EPHB1: variants seen among roughly 807,000 people sequenced by gnomAD.
The protein encoded by EPHB1 is EPH receptor B1.
In EPHB1, 30 loss-of-function variants were observed where a neutral mutation model predicts 94.4. The ratio of observed to expected loss-of-function variants is 0.32; its 90% CI spans 0.24 to 0.43. The LOEUF (loss-of-function observed/expected upper bound fraction) is 0.43, where lower values mean the gene tolerates loss of function less well. EPHB1 is among the 20% of genes least tolerant of loss of function. EPHB1 has a pLI of 1.00. For synonymous variants in EPHB1, 522 were observed against 489.1 expected (o/e 1.07, Z -0.89); for missense variants, 1,055 against 1,308.3 (o/e 0.81, Z 2.99).
chr3:134,962,018 T>C (rs1933538643), intron 3 of EPHB1, among the ~76,000 whole-genome samples: 1 of 152,200 alleles, frequency 6.6e-6, no homozygotes, highest in Non-Finnish European at 1.5e-5. Context: ...TGAATAAGAA[T>C]ATATAAATTT....
In EPHB1 at chr3:135,140,823, A is replaced by G. The variant is rs1206526546; in HGVS notation, c.1297+7774A>G. On this transcript the variant is annotated intron_variant, in intron 5 of 15. Transcript: ENST00000398015. ...CCAGCCCCGCGCCTATCATTTTCACAGTACCATCCATGTTAAACAGGCAGG... is the reference window on the plus strand; with the variant it reads ...CCAGCCCCGCGCCTATCATTTTCACGGTACCATCCATGTTAAACAGGCAGG... 2.6e-5 allele frequency among the ~76,000 whole-genome samples: 4 copies of G among 152,326 alleles called. No homozygotes were observed. The East Asian group carries it at 5.8e-4, about 22-fold the overall frequency.
intron 4 of EPHB1, among the ~76,000 whole-genome samples, chr3:135,107,039 T>C (rs1195365820): frequency 6.6e-6 from 1 of 152,222 alleles, no homozygotes; most frequent in Non-Finnish European, 1.5e-5. Context: ...ATTTTATTAA[T>C]TGTTCAGTCA....
At chr3:135,158,856 T>G (rs1941430246) in intron 6 of EPHB1, among the ~76,000 whole-genome samples, 1 of 152,250 alleles carries the variant, frequency 6.6e-6, no homozygotes. Flanking sequence ...GGTTACTCGC[T>G]CTTCATAATA....
At chr3:134,936,723 C>T (rs1034611334) in intron 2 of EPHB1, among the ~76,000 whole-genome samples, 3 of 152,186 alleles carry the variant, frequency 2.0e-5, no homozygotes, top group Admixed American at 6.5e-5. Context: ...CCCAGTGTCA[C>T]GAAGGACAGC....
chr3:135,015,052 G>A (rs1249014114), intron 3 of EPHB1, among the ~76,000 whole-genome samples: 2 of 152,086 alleles, frequency 1.3e-5, no homozygotes, highest in African/African-American at 2.4e-5. Flanking sequence ...AGAAACTCCC[G>A]TGTATGGCAC....
At chr3:135,027,068 T>C (rs1936209776) in intron 3 of EPHB1, among the ~76,000 whole-genome samples, 1 of 145,350 alleles carries the variant, frequency 6.9e-6, no homozygotes, top group South Asian at 2.3e-4. Context: ...TGATTTTGTA[T>C]CCTGAGACTT....
At chr3:134,905,204 T>C (rs1325299935) in intron 1 of EPHB1, among the ~76,000 whole-genome samples, 1 of 152,152 alleles carries the variant, frequency 6.6e-6, no homozygotes, top group Non-Finnish European at 1.5e-5. Flanking sequence ...GAAGATTGGA[T>C]GGACACTGGG....
chr3:134,890,422 C>T (rs2037955823), intron 1 of EPHB1, among the ~76,000 whole-genome samples: 1 of 152,104 alleles, frequency 6.6e-6, no homozygotes, highest in Non-Finnish European at 1.5e-5. Context: ...TATTAATTTT[C>T]CTCTAGATGG....
intron 3 of EPHB1, among the ~76,000 whole-genome samples, chr3:135,016,063 T>A (rs1326091845): frequency 6.6e-6 from 1 of 152,150 alleles, no homozygotes; most frequent in Non-Finnish European, 1.5e-5. Flanking sequence ...TCCTGACAAG[T>A]GGAGAAAGCT....
chr3:135,101,184 A>G (rs894936988), intron 3 of EPHB1, among the ~76,000 whole-genome samples: 6 of 151,912 alleles, frequency 3.9e-5, no homozygotes, highest in Admixed American at 1.3e-4. Flanking sequence ...TTCTCTTTCT[A>G]CCCACCTCCT....
chr3:134,829,223 A>G (rs1257420757), intron 1 of EPHB1, among the ~76,000 whole-genome samples: 1 of 152,178 alleles, frequency 6.6e-6, no homozygotes, highest in Non-Finnish European at 1.5e-5. Context: ...CACCACTAGC[A>G]TCTATTGAGA....
chr3:134,796,009 C>T (rs752829617), intron 1 of EPHB1: 4 of 440,548 alleles, frequency 9.1e-6, no homozygotes, highest in South Asian at 2.7e-5. Flanking sequence ...GGTGCATGCT[C>T]CTTAGCTCTG....
intron 1 of EPHB1, among the ~76,000 whole-genome samples, chr3:134,801,434 G>A (rs570103419): frequency 1.3e-5 from 2 of 152,292 alleles, no homozygotes; most frequent in East Asian, 1.9e-4. Flanking sequence ...GGGGCACACC[G>A]AACCCTTACC....
At chr3:135,233,973 C>T (rs144372991) in intron 12 of EPHB1, among the ~76,000 whole-genome samples, 2 of 152,292 alleles carry the variant, frequency 1.3e-5, no homozygotes, top group African/African-American at 2.4e-5. Flanking sequence ...CCCAGGAAAC[C>T]ATTTTTCCCT....
At chr3:134,875,235 A>G (rs2037592780) in intron 1 of EPHB1, among the ~76,000 whole-genome samples, 3 of 152,194 alleles carry the variant, frequency 2.0e-5, no homozygotes, top group Admixed American at 2.0e-4. Context: ...AGAGAAGCCA[A>G]GTGTTGTCCC....
At chr3:135,182,528 C>T (rs1448411644) in intron 10 of EPHB1, among the ~76,000 whole-genome samples, 1 of 152,102 alleles carries the variant, frequency 6.6e-6, no homozygotes, top group Non-Finnish European at 1.5e-5. Flanking sequence ...AAACTCAGGC[C>T]AGTAACAGTT....
intron 2 of EPHB1, among the ~76,000 whole-genome samples, chr3:134,941,024 G>C (rs1183633205): frequency 6.6e-6 from 1 of 152,216 alleles, no homozygotes; most frequent in African/African-American, 2.4e-5. Context: ...TTAAATAAAG[G>C]TGTCCAGAGG....
At chr3:134,910,543 GA>G (rs1183159912) in intron 1 of EPHB1, among the ~76,000 whole-genome samples, 6 of 152,252 alleles carry the variant, frequency 3.9e-5, no homozygotes, top group African/African-American at 1.4e-4. Context: ...AACACAAATA[GA>G]AGTTTTACCA....
chr3:135,192,726 C>T lies in EPHB1; in HGVS notation c.2033C>T (p.Pro678Leu). 1 of 1,614,178 alleles carries T rather than the reference C, an allele frequency of 6.2e-7. No homozygotes were observed. The highest frequency in any genetic ancestry group is 8.5e-7 in the Non-Finnish European group (1 of 1,180,040). ...EASIMGQFDH[P>L]NIIRLEGVVT... Reference sequence around the variant, plus strand: ...AGCATCATGGGCCAGTTCGACCATCCTAACATCATTCGCCTGGAGGGTGTG... The same window carrying T: ...AGCATCATGGGCCAGTTCGACCATCTTAACATCATTCGCCTGGAGGGTGTG... Residue 678 changes from proline to leucine, a missense_variant, in exon 11 of 16, where the codon CCT becomes CTT. Pro to Leu is a moderately conservative substitution (Grantham distance 98, BLOSUM62 -3). Transcript: ENST00000398015.
Sources: gnomAD v4.1 joint callset for allele counts (sites outside exome capture counted in the v4.1 genomes callset) on GRCh38, gnomAD v4.1.1 for gene constraint, MANE v1.5 for transcripts, NCBI Gene and HGNC (gene_info 2026-07-23, HGNC 2026-07-21) for gene names.